Variants in TRIP12 observed in about 807,000 individuals in gnomAD.
TRIP12 encodes E3 ubiquitin-protein ligase TRIP12.
TRIP12 carries 25 observed loss-of-function variants against 244.2 expected under a neutral mutation model. The ratio of observed to expected loss-of-function variants is 0.10; its 90% CI spans 0.07 to 0.14. The LOEUF is 0.14. Among genes scored for constraint, TRIP12 ranks in the 10% least tolerant of loss-of-function variants. The pLI, the probability that TRIP12 is intolerant of heterozygous loss-of-function variation, is 1.00. For missense variants in TRIP12, 1,677 were observed against 2,486.4 expected (o/e 0.67, Z 6.92); for synonymous variants, 905 against 873.1 (o/e 1.04, Z -0.64).
intron 6 of TRIP12, among the ~76,000 whole-genome samples, chr2:229,832,913 G>A (rs774606555): frequency 2.6e-5 from 4 of 152,044 alleles, no homozygotes; most frequent in Non-Finnish European, 5.9e-5. Flanking sequence ...CATCTATGTA[G>A]GAAGCAAATA....
At chr2:229,790,767 CAAAT>C (rs1187123215) in intron 30 of TRIP12, among the ~76,000 whole-genome samples, 1 of 152,118 alleles carries the variant, frequency 6.6e-6, no homozygotes, top group African/African-American at 2.4e-5. Context: ...TCATGGGTGA[CAAAT>C]AAAAAATTAG....
At chr2:229,847,343 A>G (rs2057772497) in intron 4 of TRIP12, among the ~76,000 whole-genome samples, 1 of 152,220 alleles carries the variant, frequency 6.6e-6, no homozygotes, top group Non-Finnish European at 1.5e-5. Flanking sequence ...CTGGCCACAT[A>G]ACAGGCACTC....
At chr2:229,772,495 G>A (rs143855223) in intron 38 of TRIP12, among the ~76,000 whole-genome samples, 26 of 152,192 alleles carry the variant, frequency 1.7e-4, no homozygotes, top group East Asian at 9.7e-4. Context: ...ACAGAGTCTC[G>A]CTCTGTCGCC....
At chr2:229,820,765 A>G (rs973222361) in intron 8 of TRIP12, among the ~76,000 whole-genome samples, 6 of 151,976 alleles carry the variant, frequency 3.9e-5, no homozygotes, top group Non-Finnish European at 8.8e-5. Flanking sequence ...ATTTTTCTGT[A>G]TTTTTAGTAG....
chr2:229,839,821 C>A (rs1420746171), intron 5 of TRIP12, among the ~76,000 whole-genome samples: 2 of 152,172 alleles, frequency 1.3e-5, no homozygotes, highest in African/African-American at 4.8e-5. Flanking sequence ...GAGATTTTTA[C>A]CTTTAGGCTA....
At chr2:229,922,699 A>T (rs1027447595), upstream of TRIP12, 5 of 1,365,192 alleles carry the variant, frequency 3.7e-6, no homozygotes, top group African/African-American at 7.3e-5. Flanking sequence ...GCCAAGAGCA[A>T]CCGTAGCCCG....
intron 4 of TRIP12, among the ~76,000 whole-genome samples, chr2:229,856,962 G>A (rs1179289600): frequency 6.6e-6 from 1 of 152,048 alleles, no homozygotes; most frequent in Non-Finnish European, 1.5e-5. Context: ...TATCATACAG[G>A]TTAAACATAA....
intron 2 of TRIP12, among the ~76,000 whole-genome samples, chr2:229,864,075 T>TGC (rs2061054470): frequency 2.1e-5 from 3 of 146,004 alleles, no homozygotes; most frequent in South Asian, 2.2e-4. Flanking sequence ...TGTGTGTGTG[T>TGC]GTGCACGCGC....
chr2:229,771,417 T>C, intron 39 of TRIP12, 102 bp downstream of exon 39: 2 of 919,652 alleles, frequency 2.2e-6, no homozygotes, highest in Non-Finnish European at 3.3e-6. Context: ...TAACACCCAT[T>C]TTTTTGTTTT....
Position 229,858,959 on chromosome 2 carries a change from G to A in TRIP12, c.840C>T (p.Ser280=), listed in dbSNP as rs748015041. ...TGCTACTTCTTCTGGGGCTGGGACT[G>A]GACGCTGAACGGGAACGCCTGGCCT... ...QNKARRSRSA[S]SPSPRRSSRE... The change falls in exon 4 of 42, where the codon TCC becomes TCT. Residue 280 remains serine (S), a synonymous_variant. Coordinates refer to ENST00000675903, the MANE Select transcript of TRIP12 (RefSeq NM_001348323.3). 6.2e-7 allele frequency: 1 copy of A among 1,614,184 alleles called. No individual in the cohort carries two copies. Among genetic ancestry groups the A allele is most frequent in the Non-Finnish European group, 8.5e-7 (1 of 1,180,030 alleles).
intron 12 of TRIP12, 50 bp from the exon 13 acceptor site, chr2:229,814,081 A>C: frequency 6.5e-7 from 1 of 1,529,786 alleles, no homozygotes; most frequent in Non-Finnish European, 8.9e-7. Context: ...TATCAGCAAT[A>C]AAAAATAATT....
chr2:229,768,407 T>C (rs1205022357), intron 41 of TRIP12, among the ~76,000 whole-genome samples: 1 of 152,264 alleles, frequency 6.6e-6, no homozygotes, highest in Non-Finnish European at 1.5e-5. Flanking sequence ...TAACCAGCAT[T>C]ACATGTGCAT....
At chr2:229,801,121 A>G (rs772459166) in intron 21 of TRIP12, among the ~76,000 whole-genome samples, 8 of 152,148 alleles carry the variant, frequency 5.3e-5, no homozygotes, top group Admixed American at 1.3e-4. Context: ...TAAAGGAGAG[A>G]GCAAGGCTGG....
At chr2:229,914,833 T>C (rs2075068626) in intron 1 of TRIP12, among the ~76,000 whole-genome samples, 2 of 152,202 alleles carry the variant, frequency 1.3e-5, no homozygotes, top group Admixed American at 6.5e-5. Flanking sequence ...CCTTCAAAAA[T>C]CCATGTATGG....
In TRIP12 at chr2:229,803,917, TC is replaced by T. The variant is rs1269004873; in HGVS notation, c.2879+81del. 14 of 1,274,272 alleles carry T rather than the reference TC, an allele frequency of 1.1e-5. No homozygotes were observed. The African/African-American group carries it at 1.8e-4, about 17-fold the overall frequency. 78.9% of individuals were successfully genotyped at this position (1,274,272 alleles called of 1,614,324 possible). On this transcript the variant is annotated intron_variant, in intron 19 of 41. Transcript: ENST00000675903. ...CTAACAAATTTTTGTGCATATTTTTTCTATTATTACTTTAGAGGTTTCTGAA... is the reference window on the plus strand; with the variant it reads ...CTAACAAATTTTTGTGCATATTTTTTTATTATTACTTTAGAGGTTTCTGAA...
chr2:229,843,655 G>GA (rs1223203509), intron 4 of TRIP12, among the ~76,000 whole-genome samples: 1 of 152,208 alleles, frequency 6.6e-6, no homozygotes, highest in African/African-American at 2.4e-5. Context: ...GAGGCTGGAG[G>GA]AATGGGTGAG....
intron 1 of TRIP12, among the ~76,000 whole-genome samples, chr2:229,903,884 A>T (rs1180049599): frequency 6.6e-6 from 1 of 151,210 alleles, no homozygotes; most frequent in East Asian, 1.9e-4. Context: ...AAAAAAAAAA[A>T]ATTAGCCAGG....
intron 4 of TRIP12, among the ~76,000 whole-genome samples, chr2:229,851,868 G>C (rs939220258): frequency 2.0e-5 from 3 of 152,174 alleles, no homozygotes; most frequent in African/African-American, 2.4e-5. Context: ...CTTAAGAGCT[G>C]TAACACTCAC....
chr2:229,922,251 T>A, upstream of TRIP12: 1 of 486,934 alleles, frequency 2.1e-6, no homozygotes, highest in Non-Finnish European at 3.7e-6. Context: ...GGAGATCTAC[T>A]TGGTATCCCT....
Sources: allele counts gnomAD v4.1 joint callset (sites outside exome capture counted in the v4.1 genomes callset), GRCh38; gene constraint gnomAD v4.1.1; transcripts MANE v1.5; gene names NCBI Gene and HGNC (gene_info 2026-07-23, HGNC 2026-07-21).